The following KIAA1217 variants were observed in gnomAD, a reference collection of about 807,000 sequenced individuals.
KIAA1217 encodes the protein sickle tail protein homolog.
In KIAA1217, 88 loss-of-function variants were observed where a neutral mutation model predicts 163.9. The ratio of observed to expected loss-of-function variants is 0.54; its 90% CI spans 0.45 to 0.64. KIAA1217 has a LOEUF of 0.64. KIAA1217 is among the 30% of genes least tolerant of loss of function. The pLI, the probability that KIAA1217 is intolerant of heterozygous loss-of-function variation, is 0.00. For synonymous variants in KIAA1217, 903 were observed against 923.1 expected (o/e 0.98, Z 0.39); for missense variants, 2,372 against 2,475.0 (o/e 0.96, Z 0.88).
intron 2 of KIAA1217, among the ~76,000 whole-genome samples, chr10:24,278,854 C>CTTTTTTTTTTTTTTTTTTTTTTTTTT (rs11288814): frequency 2.1e-5 from 3 of 140,844 alleles, no homozygotes; most frequent in Non-Finnish European, 3.0e-5. Flanking sequence ...ACTCAGATTA[C>CTTTTTTTTTTTTTTTTTTTTTTTTTT]TTTTTTTTTT....
At chr10:24,375,631 A>G (rs2052375652) in intron 2 of KIAA1217, among the ~76,000 whole-genome samples, 1 of 152,234 alleles carries the variant, frequency 6.6e-6, no homozygotes, top group Non-Finnish European at 1.5e-5. Context: ...TCTGAATGTC[A>G]TGATTAAATT....
chr10:24,451,221 C>A (rs1052794874), intron 5 of KIAA1217, among the ~76,000 whole-genome samples: 50 of 152,300 alleles, frequency 3.3e-4, no homozygotes, highest in African/African-American at 1.2e-3. Flanking sequence ...TAGGACAGAG[C>A]AGGAAGCTTG....
intron 2 of KIAA1217, among the ~76,000 whole-genome samples, chr10:24,200,644 A>G (rs1368773204): frequency 1.3e-5 from 2 of 152,158 alleles, no homozygotes; most frequent in African/African-American, 4.8e-5. Context: ...CGCCACCTGT[A>G]TCCCTTCGCT....
At chr10:24,329,216 T>G in intron 2 of KIAA1217, among the ~76,000 whole-genome samples, 1 of 148,030 alleles carries the variant, frequency 6.8e-6, no homozygotes, top group Non-Finnish European at 1.5e-5. Context: ...GTACCTAGTA[T>G]ATAAATAGTA....
At chr10:24,421,530 T>TA in intron 3 of KIAA1217, among the ~76,000 whole-genome samples, 1 of 152,336 alleles carries the variant, frequency 6.6e-6, no homozygotes, top group East Asian at 1.9e-4. Context: ...TTCACCATGC[T>TA]AGTGAGTTCT....
intron 1 of KIAA1217, among the ~76,000 whole-genome samples, chr10:23,813,416 T>A (rs1837167648): frequency 6.6e-6 from 1 of 152,104 alleles, no homozygotes; most frequent in African/African-American, 2.4e-5. Flanking sequence ...CACATAAACC[T>A]TGTCCTGTCC....
chr10:24,266,802 C>T (rs2076280446), intron 2 of KIAA1217, among the ~76,000 whole-genome samples: 2 of 152,150 alleles, frequency 1.3e-5, no homozygotes, highest in African/African-American at 4.8e-5. Context: ...AAATGCTGGC[C>T]ACCCCAGCCA....
At chr10:24,237,572 G>A (rs2072464680) in intron 2 of KIAA1217, among the ~76,000 whole-genome samples, 1 of 152,206 alleles carries the variant, frequency 6.6e-6, no homozygotes, top group African/African-American at 2.4e-5. Flanking sequence ...CACTCTGACT[G>A]CTGAATCAAC....
chr10:23,752,687 T>A (rs545252649), intron 1 of KIAA1217, among the ~76,000 whole-genome samples: 4 of 152,168 alleles, frequency 2.6e-5, no homozygotes, highest in Non-Finnish European at 5.9e-5. Context: ...TTTTTACTCT[T>A]GTATCAAAGG....
intron 1 of KIAA1217, among the ~76,000 whole-genome samples, chr10:23,829,275 A>G (rs1173104284): frequency 2.6e-5 from 4 of 152,206 alleles, no homozygotes; most frequent in Non-Finnish European, 4.4e-5. Flanking sequence ...TTCACTTATC[A>G]TCTAATTTCC....
intron 1 of KIAA1217, among the ~76,000 whole-genome samples, chr10:24,006,541 A>C (rs1279781849): frequency 6.6e-6 from 1 of 152,292 alleles, no homozygotes; most frequent in Non-Finnish European, 1.5e-5. Flanking sequence ...TGCAATGTCA[A>C]GTTCATTCTT....
intron 1 of KIAA1217, among the ~76,000 whole-genome samples, chr10:23,918,181 G>A (rs558748156): frequency 6.8e-6 from 1 of 146,188 alleles, no homozygotes; most frequent in East Asian, 2.0e-4. Flanking sequence ...TAAAGAGATA[G>A]GGTCTTGCTT....
chr10:24,338,335 C>G (rs2046655052), intron 2 of KIAA1217, among the ~76,000 whole-genome samples: 1 of 152,130 alleles, frequency 6.6e-6, no homozygotes, highest in East Asian at 1.9e-4. Context: ...TCTTAACATC[C>G]CATTATGGGG....
At chr10:23,927,325 G>GGTGT (rs57321785) in intron 1 of KIAA1217, among the ~76,000 whole-genome samples, 29,794 of 142,886 alleles carry the variant, frequency 0.21, 3,101 homozygotes, top group Middle Eastern at 0.27. Flanking sequence ...CAAGTCATAG[G>GGTGT]GTGTGTGTGT....
chr10:24,302,985 T>G (rs2041555880), intron 2 of KIAA1217, among the ~76,000 whole-genome samples: 1 of 152,072 alleles, frequency 6.6e-6, no homozygotes, highest in South Asian at 2.1e-4. Context: ...AAGGCTTGAA[T>G]TTTTACTCTG....
chr10:23,825,162 T>C (rs1837840354), intron 1 of KIAA1217, among the ~76,000 whole-genome samples: 1 of 152,184 alleles, frequency 6.6e-6, no homozygotes, highest in Non-Finnish European at 1.5e-5. Flanking sequence ...ACCCTATTAG[T>C]GGTATTAGAA....
chr10:23,855,333 A>C (rs899834159), intron 1 of KIAA1217, among the ~76,000 whole-genome samples: 7 of 152,140 alleles, frequency 4.6e-5, no homozygotes, highest in Non-Finnish European at 1.5e-5. Context: ...AAGAATGTTG[A>C]ATATTGGCCC....
intron 1 of KIAA1217, among the ~76,000 whole-genome samples, chr10:23,962,543 A>G (rs1216815976): frequency 6.6e-6 from 1 of 152,220 alleles, no homozygotes; most frequent in African/African-American, 2.4e-5. Context: ...GCTCCGATGA[A>G]CTTCAAGAAA....
chr10:23,738,943 G>A (rs10764423), intron 1 of KIAA1217, among the ~76,000 whole-genome samples: 42,904 of 152,046 alleles, frequency 0.28, 6,795 homozygotes, highest in African/African-American at 0.43. Context: ...CTAGAGAAAA[G>A]TAAAGTAGGG....
Sources: allele counts gnomAD v4.1 joint callset (sites outside exome capture counted in the v4.1 genomes callset), GRCh38; gene constraint gnomAD v4.1.1; transcripts MANE v1.5; gene names NCBI Gene and HGNC (gene_info 2026-07-23, HGNC 2026-07-21).